Variants in RTTN observed in about 807,000 individuals in gnomAD.
RTTN encodes rotatin.
A neutral mutation model predicts 269.2 loss-of-function variants in RTTN; 182 were observed. The ratio of observed to expected loss-of-function variants is 0.68; its 90% CI spans 0.60 to 0.76. The LOEUF is 0.76. Among genes scored for constraint, RTTN ranks in the 30% least tolerant of loss-of-function variants. The pLI, the probability that RTTN is intolerant of heterozygous loss-of-function variation, is 0.00. For missense variants in RTTN, 2,545 were observed against 2,608.6 expected (o/e 0.98, Z 0.53); for synonymous variants, 1,006 against 963.5 (o/e 1.04, Z -0.82).
chr18:70,141,060 T>G (rs575557739), intron 19 of RTTN, among the ~76,000 whole-genome samples: 1 of 152,334 alleles, frequency 6.6e-6, no homozygotes, highest in East Asian at 1.9e-4. Flanking sequence ...TTAACAATAT[T>G]GAAGGAATAC....
chr18:70,158,133 C>A (rs1395774336), intron 14 of RTTN, among the ~76,000 whole-genome samples: 1 of 151,986 alleles, frequency 6.6e-6, no homozygotes, highest in Non-Finnish European at 1.5e-5. Flanking sequence ...TGACCACCCC[C>A]AAGACACATA....
At chr18:70,038,227 T>A (rs1167341972) in intron 40 of RTTN, among the ~76,000 whole-genome samples, 1 of 152,188 alleles carries the variant, frequency 6.6e-6, no homozygotes, top group East Asian at 1.9e-4. Context: ...GCTGGCTTTG[T>A]CACCTACTGA....
intron 22 of RTTN, among the ~76,000 whole-genome samples, chr18:70,134,963 GT>G (rs1262545345): frequency 6.6e-6 from 1 of 152,054 alleles, no homozygotes; most frequent in Non-Finnish European, 1.5e-5. Context: ...TAATTTTAAA[GT>G]TTATATTTAG....
At chr18:70,132,366 TG>T (rs1398723626) in intron 23 of RTTN, among the ~76,000 whole-genome samples, 7 of 152,038 alleles carry the variant, frequency 4.6e-5, no homozygotes, top group Non-Finnish European at 1.0e-4. Context: ...CAAGTACACA[TG>T]GAACATTTTA....
rs751270094 is a variant in RTTN, at chr18:70,092,239, A to G, written c.4033-19T>C. On this transcript the variant is annotated intron_variant, in intron 29 of 48. Transcript: ENST00000640769. ...TCCACTCCTAGAGGGAAAAAAGGGA[A>G]ACAGAAATATTTGAGGTAAGTTTCT... The G allele has an allele frequency of 2.1e-6, 3 of 1,446,976 alleles. No homozygotes were observed. The highest frequency in any genetic ancestry group is 2.8e-5 in the African/African-American group (2 of 71,666). The allele number at this position is 1,446,976 out of a possible 1,614,324, so 89.6% of individuals were successfully genotyped here. A position where few individuals can be genotyped will look rare whatever the true frequency, so the allele number is the denominator to read the frequency against.
At chr18:70,153,992 T>C (rs2060609082) in intron 14 of RTTN, among the ~76,000 whole-genome samples, 5 of 152,136 alleles carry the variant, frequency 3.3e-5, no homozygotes, top group Admixed American at 3.3e-4. Flanking sequence ...AAACATTAAA[T>C]GAAAGTTCAC....
At chr18:70,103,280 G>A (rs1014882606) in intron 28 of RTTN, among the ~76,000 whole-genome samples, 17 of 152,054 alleles carry the variant, frequency 1.1e-4, no homozygotes, top group South Asian at 6.2e-4. Context: ...CATCGAGAAC[G>A]GGCCATGATG....
intron 27 of RTTN, among the ~76,000 whole-genome samples, chr18:70,110,948 G>A (rs2059449191): frequency 1.3e-5 from 2 of 152,236 alleles, no homozygotes; most frequent in African/African-American, 4.8e-5. Context: ...AAGCCACTGG[G>A]AAGTTCGAAC....
rs917930878 is a variant in RTTN, at chr18:70,121,117, A to G, written c.3528+439T>C. Reference sequence around the variant, plus strand: ...TAAAAATCTGACAGTAGTGGGGGCTAGAAGGGTAAATATTCCAGTAACCGT... The same window carrying G: ...TAAAAATCTGACAGTAGTGGGGGCTGGAAGGGTAAATATTCCAGTAACCGT... On this transcript the variant is annotated intron_variant, in intron 26 of 48. Transcript: ENST00000640769. Among the ~76,000 whole-genome samples, 19 of 152,272 alleles carry G rather than the reference A, an allele frequency of 1.2e-4. No homozygotes were observed. In the East Asian group the frequency reaches 2.9e-3, roughly 23 times the overall value.
At chr18:70,036,875 A>G (rs531489731) in intron 40 of RTTN, among the ~76,000 whole-genome samples, 9 of 152,344 alleles carry the variant, frequency 5.9e-5, no homozygotes, top group African/African-American at 2.2e-4. Flanking sequence ...TACGGCTAAA[A>G]GAGGAACTGA....
intron 12 of RTTN, among the ~76,000 whole-genome samples, chr18:70,167,478 T>A (rs1438137353): frequency 6.6e-6 from 1 of 152,144 alleles, no homozygotes; most frequent in Non-Finnish European, 1.5e-5. Context: ...TCCCAGCACT[T>A]CGGGAGGCCG....
At chr18:70,023,336 C>A (rs1232650173) in intron 44 of RTTN, among the ~76,000 whole-genome samples, 2 of 152,166 alleles carry the variant, frequency 1.3e-5, no homozygotes, top group African/African-American at 4.8e-5. Context: ...TCTTTTGTAG[C>A]AATAAATAAC....
At position 70,004,067 on chromosome 18, in the gene RTTN, G is replaced by T; in HGVS notation, c.*84C>A. 4.0e-6 allele frequency: 4 copies of T among 995,106 alleles called. No homozygotes were observed. The highest frequency in any genetic ancestry group is 4.8e-6 in the Non-Finnish European group (3 of 625,578). 61.6% of individuals were successfully genotyped at this position (995,106 alleles called of 1,614,324 possible). A position where few individuals can be genotyped will look rare whatever the true frequency, so the allele number is the denominator to read the frequency against. ...TTGTAGAGAGGTAGCACGTCTTCAG[G>T]TAACAGCTGCTACACACAGCTGGCT... On this transcript the variant is annotated 3_prime_UTR_variant, in exon 49 of 49. Coordinates refer to ENST00000640769, the MANE Select transcript of RTTN (RefSeq NM_173630.4).
At chr18:70,051,888 A>G (rs923364370) in intron 38 of RTTN, among the ~76,000 whole-genome samples, 2 of 152,172 alleles carry the variant, frequency 1.3e-5, no homozygotes, top group Non-Finnish European at 2.9e-5. Flanking sequence ...AAAATATGTC[A>G]TTGTTTGTGC....
At chr18:70,121,922 A>T (rs1035259417) in intron 25 of RTTN, among the ~76,000 whole-genome samples, 1 of 152,198 alleles carries the variant, frequency 6.6e-6, no homozygotes, top group Non-Finnish European at 1.5e-5. Flanking sequence ...AACTAAAATA[A>T]CTAGAAGTGA....
At chr18:70,045,821 G>A (rs2057475124) in intron 40 of RTTN, among the ~76,000 whole-genome samples, 1 of 152,140 alleles carries the variant, frequency 6.6e-6, no homozygotes, top group African/African-American at 2.4e-5. Context: ...TAAATAATTG[G>A]TTAATGTATC....
chr18:70,183,141 G>A (rs2061457258), intron 10 of RTTN, among the ~76,000 whole-genome samples: 1 of 152,172 alleles, frequency 6.6e-6, no homozygotes, highest in African/African-American at 2.4e-5. Context: ...CCAGAGAGAA[G>A]GAAAATAAGC....
At chr18:70,031,061 A>G (rs2056998744) in intron 40 of RTTN, 80 bp from the exon 41 acceptor site, 2 of 905,364 alleles carry the variant, frequency 2.2e-6, no homozygotes, top group Non-Finnish European at 3.4e-6. Context: ...AACATTTTCT[A>G]CTTAAAAGAT....
chr18:70,049,437 T>C (rs2057591090), intron 39 of RTTN, among the ~76,000 whole-genome samples: 2 of 152,200 alleles, frequency 1.3e-5, no homozygotes, highest in Admixed American at 1.3e-4. Context: ...ACGTGGACAC[T>C]GTACTCCATG....
Sources: allele counts gnomAD v4.1 joint callset (sites outside exome capture counted in the v4.1 genomes callset), GRCh38; gene constraint gnomAD v4.1.1; transcripts MANE v1.5; gene names NCBI Gene and HGNC (gene_info 2026-07-23, HGNC 2026-07-21).